The following PLPPR5 variants were observed in gnomAD, a reference collection of about 807,000 sequenced individuals.
PLPPR5 encodes the protein phospholipid phosphatase related 5, also known as phospholipid phosphatase-related protein type 5.
In PLPPR5, 16 loss-of-function variants were observed where a neutral mutation model predicts 33.9. That is an observed-to-expected ratio of 0.47 (90% CI 0.32 to 0.72). The LOEUF is 0.72. Among genes scored for constraint, PLPPR5 ranks in the 30% least tolerant of loss-of-function variants. The pLI is 0.03. For missense variants in PLPPR5, 301 were observed against 406.7 expected (o/e 0.74, Z 2.23); for synonymous variants, 163 against 150.3 (o/e 1.08, Z -0.62).
intron 1 of PLPPR5, among the ~76,000 whole-genome samples, chr1:98,991,858 CA>C (rs112461782): frequency 6.6e-6 from 1 of 151,452 alleles, no homozygotes; most frequent in Non-Finnish European, 1.5e-5. Flanking sequence ...TACAGAGGCC[CA>C]AAAAAAAGGA....
intron 1 of PLPPR5, among the ~76,000 whole-genome samples, chr1:98,997,024 C>A (rs1652655137): frequency 6.6e-6 from 1 of 152,080 alleles, no homozygotes; most frequent in African/African-American, 2.4e-5. Flanking sequence ...TGCATATGTT[C>A]CTACATATGC....
At chr1:98,970,521 TA>T (rs1217523289) in intron 1 of PLPPR5, among the ~76,000 whole-genome samples, 1 of 151,724 alleles carries the variant, frequency 6.6e-6, no homozygotes, top group Non-Finnish European at 1.5e-5. Context: ...TATATATGTA[TA>T]TTTATTATAT....
chr1:98,984,260 C>T (rs1198840583), intron 1 of PLPPR5, among the ~76,000 whole-genome samples: 2 of 152,042 alleles, frequency 1.3e-5, no homozygotes, highest in Non-Finnish European at 2.9e-5. Flanking sequence ...CCTGCCAAAG[C>T]ATTACATGAC....
intron 5 of PLPPR5, among the ~76,000 whole-genome samples, chr1:98,909,927 C>G (rs562347895): frequency 6.6e-6 from 1 of 152,132 alleles, no homozygotes; most frequent in Non-Finnish European, 1.5e-5. Context: ...GATAGATATA[C>G]TTGTCTTCCA....
chr1:98,944,274 C>A (rs756963276), intron 3 of PLPPR5, among the ~76,000 whole-genome samples: 1 of 152,200 alleles, frequency 6.6e-6, no homozygotes, highest in South Asian at 2.1e-4. Context: ...GAAGGACGCA[C>A]AATACTTTGT....
intron 3 of PLPPR5, among the ~76,000 whole-genome samples, chr1:98,942,272 C>T (rs1435666538): frequency 6.6e-6 from 1 of 152,112 alleles, no homozygotes; most frequent in East Asian, 1.9e-4. Flanking sequence ...TGGAGTTTCA[C>T]CCTCAAGTGA....
intron 1 of PLPPR5, among the ~76,000 whole-genome samples, chr1:98,960,991 G>A (rs1296269661): frequency 6.6e-6 from 1 of 152,138 alleles, no homozygotes; most frequent in Non-Finnish European, 1.5e-5. Context: ...CCATGAGCCT[G>A]ACCAAATCCT....
At chr1:98,930,725 C>T (rs888426241) in intron 3 of PLPPR5, among the ~76,000 whole-genome samples, 11 of 152,088 alleles carry the variant, frequency 7.2e-5, no homozygotes, top group Non-Finnish European at 1.0e-4. Flanking sequence ...ATTTCTAACC[C>T]TCATTAGTGA....
At chr1:98,917,584 C>T (rs1173528237) in intron 4 of PLPPR5, among the ~76,000 whole-genome samples, 1 of 152,166 alleles carries the variant, frequency 6.6e-6, no homozygotes, top group Non-Finnish European at 1.5e-5. Flanking sequence ...CTTTCACTTC[C>T]TGCTGTTTAG....
In PLPPR5 at chr1:98,893,098, T is replaced by G. The variant is rs1158255072; in HGVS notation, c.940A>C (p.Ile314Leu). 1 of 1,611,090 alleles carries G rather than the reference T, an allele frequency of 6.2e-7. No homozygotes were observed. Among genetic ancestry groups the G allele is most frequent in the East Asian group, 2.2e-5 (1 of 44,708 alleles). ...CATGTGACTTCTGCGAAGGCAGTGATGTGGTTCTGCAAAAAGAAAAAGGAA... is the reference window on the plus strand; with the variant it reads ...CATGTGACTTCTGCGAAGGCAGTGAGGTGGTTCTGCAAAAAGAAAAAGGAA... The part of the protein sequence containing the change: ...LEKVTSVQNH[I>L]TAFAEVT Residue 314 changes from isoleucine to leucine, a missense_variant, in exon 6 of 6, where the codon ATC (isoleucine) becomes CTC (leucine). Ile to Leu is a conservative substitution (Grantham distance 5). Coordinates refer to ENST00000263177, the MANE Select transcript of PLPPR5 (RefSeq NM_001037317.2).
chr1:98,918,050 T>A (rs1378630312), intron 4 of PLPPR5, among the ~76,000 whole-genome samples: 1 of 152,252 alleles, frequency 6.6e-6, no homozygotes, highest in East Asian at 1.9e-4. Context: ...CAAGATGATA[T>A]GAGTAAATCA....
chr1:98,993,813 A>G (rs964111163), intron 1 of PLPPR5, among the ~76,000 whole-genome samples: 21 of 152,210 alleles, frequency 1.4e-4, no homozygotes, highest in African/African-American at 4.6e-4. Context: ...TGGATATTAG[A>G]AAGTACAGTT....
intron 1 of PLPPR5, among the ~76,000 whole-genome samples, chr1:98,962,620 G>T (rs959865361): frequency 6.6e-6 from 1 of 151,950 alleles, no homozygotes; most frequent in African/African-American, 2.4e-5. Context: ...TTGGTTTATT[G>T]AAAGCAAATT....
chr1:98,943,146 A>G (rs1404655856), intron 3 of PLPPR5, among the ~76,000 whole-genome samples: 1 of 152,144 alleles, frequency 6.6e-6, no homozygotes, highest in African/African-American at 2.4e-5. Flanking sequence ...ACTACCTAAT[A>G]TATATCATCC....
At chr1:98,926,837 A>T (rs1649785311) in intron 3 of PLPPR5, among the ~76,000 whole-genome samples, 1 of 152,230 alleles carries the variant, frequency 6.6e-6, no homozygotes, top group Non-Finnish European at 1.5e-5. Context: ...TTTTTCGTAT[A>T]AAATTTTTAT....
intron 1 of PLPPR5, among the ~76,000 whole-genome samples, chr1:99,002,279 C>T (rs889549528): frequency 1.3e-5 from 2 of 152,162 alleles, no homozygotes; most frequent in Non-Finnish European, 2.9e-5. Context: ...CCTAAAAGAA[C>T]TAAAAGCCAA....
chr1:98,902,116 G>A (rs539083666), intron 5 of PLPPR5, among the ~76,000 whole-genome samples: 1 of 151,924 alleles, frequency 6.6e-6, no homozygotes, highest in Non-Finnish European at 1.5e-5. Context: ...TCCTTAAAAT[G>A]GAAATAAGAC....
At chr1:98,900,415 C>T (rs940944962) in intron 5 of PLPPR5, among the ~76,000 whole-genome samples, 3 of 152,056 alleles carry the variant, frequency 2.0e-5, no homozygotes, top group African/African-American at 7.2e-5. Context: ...TGTGTTCCTC[C>T]AGTATAGCCA....
chr1:98,962,251 T>C (rs1221079998), intron 1 of PLPPR5, among the ~76,000 whole-genome samples: 2 of 152,262 alleles, frequency 1.3e-5, no homozygotes, highest in Non-Finnish European at 2.9e-5. Flanking sequence ...TTGTGAAATA[T>C]GTGAATTATG....
Sources: allele counts gnomAD v4.1 joint callset (sites outside exome capture counted in the v4.1 genomes callset), GRCh38; gene constraint gnomAD v4.1.1; transcripts MANE v1.5; gene names NCBI Gene and HGNC (gene_info 2026-07-23, HGNC 2026-07-21).